Variants in DPP10 observed in about 807,000 individuals in gnomAD.
The protein encoded by DPP10 is inactive dipeptidyl peptidase 10.
In DPP10, 33 loss-of-function variants were observed where a neutral mutation model predicts 120.9. The ratio of observed to expected loss-of-function variants is 0.27; its 90% CI spans 0.21 to 0.37. The LOEUF (loss-of-function observed/expected upper bound fraction) is 0.37. DPP10 is among the 10% of genes least tolerant of loss of function. The pLI is 1.00. For synonymous variants in DPP10, 337 were observed against 326.1 expected (o/e 1.03, Z -0.36); for missense variants, 816 against 942.8 (o/e 0.87, Z 1.76).
chr2:114,726,395 C>T (rs549635580), intron 1 of DPP10, among the ~76,000 whole-genome samples: 3 of 152,178 alleles, frequency 2.0e-5, no homozygotes, highest in Non-Finnish European at 2.9e-5. Context: ...ACCTCCTTAA[C>T]TTGTCATAAA....
intron 1 of DPP10, among the ~76,000 whole-genome samples, chr2:114,506,902 G>A (rs182727344): frequency 6.6e-6 from 1 of 152,320 alleles, no homozygotes; most frequent in Non-Finnish European, 1.5e-5. Flanking sequence ...TTCAAGCACG[G>A]TGACATACTA....
At chr2:115,490,547 C>G (rs2076049374) in intron 3 of DPP10, among the ~76,000 whole-genome samples, 1 of 152,146 alleles carries the variant, frequency 6.6e-6, no homozygotes, top group Non-Finnish European at 1.5e-5. Context: ...CAAATGGTAA[C>G]CCAACTCCCT....
At chr2:115,797,280 CT>C (rs1684644964) in intron 19 of DPP10, among the ~76,000 whole-genome samples, 1 of 151,970 alleles carries the variant, frequency 6.6e-6, no homozygotes, top group Admixed American at 6.6e-5. Context: ...GTCTTTTCTA[CT>C]CTGTATTTGT....
chr2:115,759,160 A>G (rs1180058906), intron 11 of DPP10, among the ~76,000 whole-genome samples: 3 of 152,162 alleles, frequency 2.0e-5, no homozygotes, highest in Non-Finnish European at 4.4e-5. Flanking sequence ...AGACAAAAAC[A>G]CATATAAAGA....
intron 1 of DPP10, among the ~76,000 whole-genome samples, chr2:115,178,592 G>A (rs1405788349): frequency 6.6e-6 from 1 of 152,164 alleles, no homozygotes; most frequent in Non-Finnish European, 1.5e-5. Flanking sequence ...ATTATGATAT[G>A]TATGATTGCA....
At chr2:115,555,272 T>TA (rs994825634) in intron 5 of DPP10, among the ~76,000 whole-genome samples, 12 of 152,134 alleles carry the variant, frequency 7.9e-5, no homozygotes, top group Middle Eastern at 3.4e-3. Context: ...TCTGCCCTCT[T>TA]ACGTTTGGAG....
intron 3 of DPP10, among the ~76,000 whole-genome samples, chr2:115,384,543 G>T (rs2066729888): frequency 9.7e-6 from 1 of 103,494 alleles, no homozygotes; most frequent in Admixed American, 1.1e-4. Context: ...GAAAGAAGAA[G>T]AAGGAAGAAG....
Position 115,564,976 on chromosome 2 carries a change from G to A in DPP10, c.441+39004G>A, listed in dbSNP as rs146453274. ...GGCATTTTCCCTGTTTTCATTGGGA[G>A]AGGGTGAGTGATTACTGGAGTTTCT... is the stretch of plus-strand genomic sequence containing the variant. On this transcript the variant is annotated intron_variant, in intron 5 of 25. Coordinates refer to ENST00000410059, the MANE Select transcript of DPP10 (RefSeq NM_020868.6). Among the ~76,000 whole-genome samples, 175 of 152,234 alleles carry A rather than the reference G, an allele frequency of 1.1e-3. 3 individuals carry two copies. The East Asian group carries it at 0.024, about 21-fold the overall frequency.
Position 114,852,151 on chromosome 2 carries a change from CTTTTTTTTTTTTTT to C in DPP10, c.60+409325_60+409338del, listed in dbSNP as rs34580352. 2.9e-3 allele frequency among the ~76,000 whole-genome samples: 158 copies of C among 53,742 alleles called. 4 individuals are homozygous for C. The highest frequency in any genetic ancestry group is 0.012 in the African/African-American group (142 of 11,796). 35.3% of individuals were successfully genotyped at this position (53,742 alleles called of 152,430 possible). On this transcript the variant is annotated intron_variant, in intron 1 of 25. Coordinates refer to ENST00000410059, the MANE Select transcript of DPP10 (RefSeq NM_020868.6). The stretch of plus-strand genomic sequence containing the variant: ...GGGAAATTTTTATAGCGATTGCATC[CTTTTTTTTTTTTTT>C]TTTTTTTTTTTCATAAAATGCCTTG...
chr2:115,255,478 A>G (rs554157003), intron 1 of DPP10, among the ~76,000 whole-genome samples: 1 of 151,948 alleles, frequency 6.6e-6, no homozygotes, highest in Admixed American at 6.6e-5. Context: ...GGTAATTAAC[A>G]CTCTGCTCCT....
At chr2:114,907,436 G>T (rs1040341611) in intron 1 of DPP10, among the ~76,000 whole-genome samples, 2 of 151,930 alleles carry the variant, frequency 1.3e-5, no homozygotes, top group African/African-American at 4.8e-5. Flanking sequence ...AGAATTTACA[G>T]CTATATATTT....
At chr2:115,538,413 A>G (rs993943649) in intron 5 of DPP10, among the ~76,000 whole-genome samples, 3 of 152,102 alleles carry the variant, frequency 2.0e-5, no homozygotes, top group East Asian at 1.9e-4. Flanking sequence ...TTCTTGTTCT[A>G]TACACTTTAA....
intron 1 of DPP10, among the ~76,000 whole-genome samples, chr2:115,231,872 TGA>T (rs754510356): frequency 5.9e-5 from 9 of 152,316 alleles, no homozygotes; most frequent in Non-Finnish European, 1.0e-4. Context: ...TTAGAGGATA[TGA>T]GAGTCATCTG....
intron 1 of DPP10, among the ~76,000 whole-genome samples, chr2:114,542,268 G>A (rs549187424): frequency 6.7e-4 from 102 of 151,842 alleles, no homozygotes; most frequent in African/African-American, 2.2e-3. Context: ...GGCTGGTCTC[G>A]AACTCCTGAC....
intron 3 of DPP10, among the ~76,000 whole-genome samples, chr2:115,417,746 C>A (rs2069561192): frequency 6.6e-6 from 1 of 152,112 alleles, no homozygotes; most frequent in African/African-American, 2.4e-5. Context: ...ATTTATGATA[C>A]CTCACTTCTT....
intron 1 of DPP10, among the ~76,000 whole-genome samples, chr2:114,455,423 T>C (rs1417363189): frequency 6.6e-6 from 1 of 151,768 alleles, no homozygotes; most frequent in East Asian, 1.9e-4. Flanking sequence ...CTCACGCCTG[T>C]AGTCCCAGCT....
rs190581375 is a variant in DPP10 at position 115,531,346 on chromosome 2, G to C, written c.441+5374G>C. Among the ~76,000 whole-genome samples the C allele has an allele frequency of 3.8e-3, 583 of 152,170 alleles. 8 individuals carry two copies. Among genetic ancestry groups the C allele is most frequent in the African/African-American group, 0.013 (553 of 41,550 alleles). Reference sequence around the variant, plus strand: ...ATTCAAGACTGAGAACCAGTGTTTAGGGACCTGATTCCTTAAACTGCAAGA... The same window carrying C: ...ATTCAAGACTGAGAACCAGTGTTTACGGACCTGATTCCTTAAACTGCAAGA... On this transcript the variant is annotated intron_variant, in intron 5 of 25. Transcript: ENST00000410059.
intron 5 of DPP10, among the ~76,000 whole-genome samples, chr2:115,653,679 C>T (rs1237108416): frequency 6.6e-6 from 1 of 151,818 alleles, no homozygotes; most frequent in African/African-American, 2.4e-5. Flanking sequence ...TGATTCCATT[C>T]CCCTTTTTCC....
Position 115,835,273 on chromosome 2 carries a change from A to G in DPP10, c.1951-884A>G, listed in dbSNP as rs1224365622. The stretch of plus-strand genomic sequence containing the variant: ...ATTGTCTTATACCTCAGATGCAAAC[A>G]CTACCATTCTCTGAAACAAAGGCAT... On this transcript the variant is annotated intron_variant, in intron 21 of 25. Transcript: ENST00000410059. Among the ~76,000 whole-genome samples, 4 of 152,332 alleles carry G rather than the reference A, an allele frequency of 2.6e-5. No individual in the cohort carries two copies. The South Asian group carries it at 6.2e-4, about 24-fold the overall frequency.
Sources: gnomAD v4.1 joint callset for allele counts (sites outside exome capture counted in the v4.1 genomes callset) on GRCh38, gnomAD v4.1.1 for gene constraint, MANE v1.5 for transcripts, NCBI Gene and HGNC (gene_info 2026-07-23, HGNC 2026-07-21) for gene names.